ASIC2: variants seen among roughly 807,000 people sequenced by gnomAD.
ASIC2 encodes the protein acid sensing ion channel subunit 2, also known as acid-sensing ion channel 2.
A neutral mutation model predicts 57.3 loss-of-function variants in ASIC2; 25 were observed. The ratio of observed to expected loss-of-function variants is 0.44; its 90% CI spans 0.32 to 0.61. The LOEUF (loss-of-function observed/expected upper bound fraction) is 0.61, where lower values mean the gene tolerates loss of function less well. ASIC2 is among the 20% of genes least tolerant of loss of function. ASIC2 has a pLI of 0.06. For missense variants in ASIC2, 641 were observed against 738.1 expected, an observed-to-expected ratio of 0.87 and a Z score of 1.52; for synonymous variants, 319 against 307.5, an observed-to-expected ratio of 1.04 and a Z score of -0.39.
At chr17:33,242,001 T>C (rs1269887122) in intron 1 of ASIC2, among the ~76,000 whole-genome samples, 11 of 152,270 alleles carry the variant, frequency 7.2e-5, no homozygotes, top group African/African-American at 2.4e-4. Flanking sequence ...TATTCTCCAC[T>C]TTAACTCCGA....
At chr17:33,429,224 T>C (rs1179334881) in intron 1 of ASIC2, among the ~76,000 whole-genome samples, 1 of 152,164 alleles carries the variant, frequency 6.6e-6, no homozygotes, top group Non-Finnish European at 1.5e-5. Context: ...GTGTAGAAGA[T>C]ACAGAATTTA....
intron 1 of ASIC2, among the ~76,000 whole-genome samples, chr17:33,166,772 G>A (rs1216403526): frequency 1.3e-5 from 2 of 152,346 alleles, no homozygotes; most frequent in East Asian, 3.9e-4. Context: ...TGCAGGAACC[G>A]AACGGTATTG....
At chr17:33,284,602 A>G (rs760015708) in intron 1 of ASIC2, among the ~76,000 whole-genome samples, 1 of 152,186 alleles carries the variant, frequency 6.6e-6, no homozygotes, top group Non-Finnish European at 1.5e-5. Flanking sequence ...GGTACCCTCT[A>G]TGAAAGGATT....
chr17:34,107,137 TCTC>T (rs1423743285), intron 1 of ASIC2, among the ~76,000 whole-genome samples: 2 of 152,110 alleles, frequency 1.3e-5, no homozygotes, highest in Admixed American at 6.5e-5. Context: ...TTTTGTGACT[TCTC>T]CTGTCCCATA....
intron 1 of ASIC2, among the ~76,000 whole-genome samples, chr17:33,865,762 AAAAAAAAAAC>A (rs1261617603): frequency 1.7e-4 from 13 of 75,530 alleles, no homozygotes; most frequent in African/African-American, 5.3e-4. Context: ...AAAAAAATAA[AAAAAAAAAAC>A]AAAAAAAAAA....
chr17:33,906,594 T>TA (rs1023493064), intron 1 of ASIC2, among the ~76,000 whole-genome samples: 7 of 152,206 alleles, frequency 4.6e-5, no homozygotes, highest in Non-Finnish European at 7.3e-5. Flanking sequence ...CTGCTTATTG[T>TA]ACAAACACCT....
At chr17:33,988,669 T>G (rs1567780043) in intron 1 of ASIC2, among the ~76,000 whole-genome samples, 1 of 151,876 alleles carries the variant, frequency 6.6e-6, no homozygotes, top group Non-Finnish European at 1.5e-5. Context: ...TTTTTGTTGT[T>G]GTTGTTTTGG....
intron 1 of ASIC2, among the ~76,000 whole-genome samples, chr17:33,635,496 A>G (rs1240018727): frequency 6.6e-6 from 1 of 152,222 alleles, no homozygotes; most frequent in Non-Finnish European, 1.5e-5. Context: ...AGGGGACATA[A>G]GCACATCATA....
chr17:34,071,483 G>A (rs1256555384), intron 1 of ASIC2: 1 of 152,006 alleles, frequency 6.6e-6, no homozygotes, highest in African/African-American at 2.4e-5. Context: ...AATCCAATAA[G>A]GACACTTATA....
At chr17:33,192,384 AAAAAC>A (rs149064811) in intron 1 of ASIC2, among the ~76,000 whole-genome samples, 11,884 of 142,832 alleles carry the variant, frequency 0.083, 598 homozygotes, top group East Asian at 0.2. Flanking sequence ...ACTCAGTCTC[AAAAAC>A]AAAACAAAAC....
At chr17:33,739,585 G>A (rs180805118) in intron 1 of ASIC2, among the ~76,000 whole-genome samples, 224 of 152,334 alleles carry the variant, frequency 1.5e-3, no homozygotes, top group Non-Finnish European at 2.2e-3. Flanking sequence ...TGTGCTCTAA[G>A]CTTCAGCACA....
intron 1 of ASIC2, among the ~76,000 whole-genome samples, chr17:33,619,117 G>A (rs1905696605): frequency 6.6e-6 from 1 of 152,126 alleles, no homozygotes; most frequent in African/African-American, 2.4e-5. Context: ...AAATATGTAG[G>A]GTAGGAGGTT....
In ASIC2 at chr17:33,371,318, C is replaced by T. The variant is rs568190603; in HGVS notation, c.556-259251G>A. On this transcript the variant is annotated intron_variant, in intron 1 of 9. Coordinates refer to the ASIC2 transcript ENST00000359872. ...CCAGCCTCATTTTTCCTAGCCCTCA[C>T]TCAAGATGGAGTCGCTCTGGTTCAA... is the stretch of plus-strand genomic sequence containing the variant. Among the ~76,000 whole-genome samples, 14 of 152,304 alleles carry T rather than the reference C, an allele frequency of 9.2e-5. No individual in the cohort carries two copies. The South Asian group carries it at 2.1e-3, about 23-fold the overall frequency.
chr17:33,592,034 C>A (rs371719286), intron 1 of ASIC2, among the ~76,000 whole-genome samples: 3 of 152,196 alleles, frequency 2.0e-5, no homozygotes, highest in African/African-American at 4.8e-5. Flanking sequence ...GTTTCCCATT[C>A]TCTGGCTCCT....
intron 1 of ASIC2, among the ~76,000 whole-genome samples, chr17:33,965,283 T>G (rs895944554): frequency 6.6e-6 from 1 of 152,228 alleles, no homozygotes; most frequent in African/African-American, 2.4e-5. Flanking sequence ...AGGATTTATA[T>G]TGAATACTGC....
At chr17:33,620,365 T>C (rs1023226789) in intron 1 of ASIC2, among the ~76,000 whole-genome samples, 3 of 152,088 alleles carry the variant, frequency 2.0e-5, no homozygotes, top group Non-Finnish European at 4.4e-5. Flanking sequence ...TCTAGGTCTC[T>C]ACTCCACCAA....
intron 1 of ASIC2, among the ~76,000 whole-genome samples, chr17:33,163,886 TA>T (rs1905231506): frequency 6.6e-6 from 1 of 152,110 alleles, no homozygotes; most frequent in Non-Finnish European, 1.5e-5. Context: ...AGTAAAGATC[TA>T]AAGGGGGTGA....
intron 1 of ASIC2, among the ~76,000 whole-genome samples, chr17:34,074,263 G>A (rs897752614): frequency 1.3e-5 from 2 of 152,168 alleles, no homozygotes; most frequent in African/African-American, 4.8e-5. Context: ...TGCCATTAGA[G>A]CTCTATCCCA....
rs1910987967 is a variant in ASIC2, at chr17:33,419,943, T to C, written c.556-307876A>G. 2.0e-5 allele frequency among the ~76,000 whole-genome samples: 3 copies of C among 152,170 alleles called. No individual in the cohort carries two copies. The South Asian group carries it at 6.2e-4, about 32-fold the overall frequency. On this transcript the variant is annotated intron_variant, in intron 1 of 9. Transcript: ENST00000359872. ...GTCCATTCACAGACACAAGTGTCTATATATGTTTAGACTTTTTCTGGAAGG... is the reference window on the plus strand; with the variant it reads ...GTCCATTCACAGACACAAGTGTCTACATATGTTTAGACTTTTTCTGGAAGG...
Sources: gnomAD v4.1 joint callset for allele counts (sites outside exome capture counted in the v4.1 genomes callset) on GRCh38, gnomAD v4.1.1 for gene constraint, MANE v1.5 for transcripts, NCBI Gene and HGNC (gene_info 2026-07-23, HGNC 2026-07-21) for gene names.